Variants in WDR70 observed in about 807,000 individuals in gnomAD.
WDR70 encodes WD repeat domain 70.
Under a neutral mutation model 88.6 loss-of-function variants are expected in WDR70, and 53 were observed. The ratio of observed to expected loss-of-function variants is 0.60; its 90% CI spans 0.48 to 0.75. WDR70 has a LOEUF of 0.75. Among genes scored for constraint, WDR70 ranks in the 30% least tolerant of loss-of-function variants. The pLI is 0.00. For missense variants in WDR70, 610 were observed against 823.2 expected, an observed-to-expected ratio of 0.74 and a Z score of 3.17; for synonymous variants, 280 against 270.0, an observed-to-expected ratio of 1.04 and a Z score of -0.36.
chr5:37,712,746 G>A (rs1400361908), intron 13 of WDR70, among the ~76,000 whole-genome samples: 1 of 151,702 alleles, frequency 6.6e-6, no homozygotes, highest in African/African-American at 2.4e-5. Flanking sequence ...CTGTTGCCTA[G>A]GCTGGAGTGC....
intron 3 of WDR70, among the ~76,000 whole-genome samples, chr5:37,387,550 T>C (rs1011693109): frequency 1.3e-5 from 2 of 152,182 alleles, no homozygotes; most frequent in Admixed American, 1.3e-4. Context: ...TGATTATCTC[T>C]TTGAAAGATC....
At position 37,699,409 on chromosome 5, in the gene WDR70, A is replaced by G. The variant is rs1159234183; in HGVS notation, c.1193-1649A>G. Among the ~76,000 whole-genome samples, 2 of 57,980 alleles carry G rather than the reference A, an allele frequency of 3.4e-5. 1 individual carries two copies. Among genetic ancestry groups the G allele is most frequent in the Non-Finnish European group, 1.2e-4 (2 of 17,264 alleles). The allele number at this position is 57,980 out of a possible 152,430, so 38.0% of individuals were successfully genotyped here. ...TATGTGTGTATATATATATACACAC[A>G]CACACACACACACACACTAGCTTTT... On this transcript the variant is annotated intron_variant, in intron 11 of 17. Coordinates refer to ENST00000265107, the MANE Select transcript of WDR70 (RefSeq NM_018034.4).
chr5:37,463,920 A>G (rs529943269), intron 7 of WDR70, among the ~76,000 whole-genome samples: 7 of 152,352 alleles, frequency 4.6e-5, no homozygotes, highest in South Asian at 2.1e-4. Flanking sequence ...CAGAGAGTAC[A>G]TGACAAACAG....
chr5:37,676,404 G>A (rs1477163161), intron 10 of WDR70, among the ~76,000 whole-genome samples: 7 of 152,004 alleles, frequency 4.6e-5, no homozygotes, highest in African/African-American at 9.7e-5. Context: ...TTTGAAATAC[G>A]TCCCATAAAT....
At chr5:37,689,538 C>T (rs1436456927) in intron 10 of WDR70, among the ~76,000 whole-genome samples, 2 of 152,216 alleles carry the variant, frequency 1.3e-5, no homozygotes, top group Non-Finnish European at 2.9e-5. Flanking sequence ...TGCTGTTCTG[C>T]AGCCTCTGCT....
intron 9 of WDR70, among the ~76,000 whole-genome samples, chr5:37,559,537 G>T (rs558412531): frequency 5.9e-5 from 9 of 152,216 alleles, no homozygotes; most frequent in African/African-American, 2.2e-4. Flanking sequence ...AAATGTGTTA[G>T]TCAGTAGGAG....
At chr5:37,581,328 G>A (rs1743211800) in intron 9 of WDR70, among the ~76,000 whole-genome samples, 1 of 152,146 alleles carries the variant, frequency 6.6e-6, no homozygotes, top group African/African-American at 2.4e-5. Context: ...TGTATTAAGT[G>A]CTTTGTGTAT....
intron 11 of WDR70, among the ~76,000 whole-genome samples, chr5:37,700,822 A>G (rs2112657686): frequency 6.6e-6 from 1 of 152,352 alleles, no homozygotes; most frequent in African/African-American, 2.4e-5. Context: ...ATTATCAAAT[A>G]GCTTTCAACT....
chr5:37,737,388 A>T (rs1402425543), intron 17 of WDR70, among the ~76,000 whole-genome samples: 18 of 152,220 alleles, frequency 1.2e-4, no homozygotes. Context: ...ACTGCTTTTC[A>T]TCATAAAGCA....
At chr5:37,484,747 C>G (rs1739804291) in intron 8 of WDR70, among the ~76,000 whole-genome samples, 1 of 152,150 alleles carries the variant, frequency 6.6e-6, no homozygotes, top group African/African-American at 2.4e-5. Flanking sequence ...GTTGACTGTT[C>G]TTGGCTTGGT....
chr5:37,585,953 C>G (rs1438026502), intron 9 of WDR70, among the ~76,000 whole-genome samples: 1 of 152,198 alleles, frequency 6.6e-6, no homozygotes, highest in Admixed American at 6.5e-5. Flanking sequence ...CCTCCCACTT[C>G]TACCCCTCAA....
intron 7 of WDR70, among the ~76,000 whole-genome samples, chr5:37,444,475 A>T (rs1490310584): frequency 6.6e-6 from 1 of 150,588 alleles, no homozygotes; most frequent in Non-Finnish European, 1.5e-5. Flanking sequence ...AATAGCTGGG[A>T]CTATATGGGT....
chr5:37,425,439 A>G (rs559183795), intron 5 of WDR70, among the ~76,000 whole-genome samples: 2 of 152,242 alleles, frequency 1.3e-5, no homozygotes, highest in East Asian at 3.9e-4. Flanking sequence ...AGAGATTAGG[A>G]AGTTGACCAT....
At chr5:37,391,908 T>A in intron 3 of WDR70, 92 bp from the exon 4 acceptor site, 2 of 1,374,886 alleles carry the variant, frequency 1.5e-6, no homozygotes, top group Non-Finnish European at 9.8e-7. Context: ...TATATCTTTG[T>A]GACTATGTTA....
intron 7 of WDR70, among the ~76,000 whole-genome samples, chr5:37,472,867 G>T (rs1739368635): frequency 1.3e-5 from 2 of 152,012 alleles, no homozygotes; most frequent in South Asian, 4.1e-4. Context: ...GAACGTTTTT[G>T]TATGAGCCTT....
At chr5:37,418,250 C>T (rs1192619529) in intron 5 of WDR70, among the ~76,000 whole-genome samples, 3 of 151,916 alleles carry the variant, frequency 2.0e-5, no homozygotes, top group Non-Finnish European at 4.4e-5. Context: ...TAAACCTTGA[C>T]CTAAAAATTT....
chr5:37,402,696 A>G (rs1180934180), intron 5 of WDR70, among the ~76,000 whole-genome samples: 2 of 152,028 alleles, frequency 1.3e-5, no homozygotes, highest in African/African-American at 4.8e-5. Context: ...CAATAAGATT[A>G]TTGTTAACTG....
intron 9 of WDR70, among the ~76,000 whole-genome samples, chr5:37,576,295 C>A (rs997632811): frequency 6.6e-6 from 1 of 151,892 alleles, no homozygotes; most frequent in Non-Finnish European, 1.5e-5. Context: ...ACACTGAGCT[C>A]TTTCCCAGAT....
At chr5:37,475,351 C>T (rs933279447) in intron 7 of WDR70, among the ~76,000 whole-genome samples, 6 of 152,092 alleles carry the variant, frequency 3.9e-5, no homozygotes, top group African/African-American at 1.2e-4. Flanking sequence ...TCTCCTGCCT[C>T]AGCCTCCCAA....
Sources: gnomAD v4.1 joint callset for allele counts (sites outside exome capture counted in the v4.1 genomes callset) on GRCh38, gnomAD v4.1.1 for gene constraint, MANE v1.5 for transcripts, NCBI Gene and HGNC (gene_info 2026-07-23, HGNC 2026-07-21) for gene names.